Variants in FOXJ2 observed in about 807,000 individuals in gnomAD.
The protein encoded by FOXJ2 is forkhead box protein J2.
In FOXJ2, 18 loss-of-function variants were observed where a neutral mutation model predicts 68.4. The ratio of observed to expected loss-of-function variants is 0.26; its 90% CI spans 0.18 to 0.39. FOXJ2 has a LOEUF of 0.39. FOXJ2 is among the 10% of genes least tolerant of loss of function. FOXJ2 has a pLI of 1.00. For missense variants in FOXJ2, 670 were observed against 726.5 expected, an observed-to-expected ratio of 0.92 and a Z score of 0.89; for synonymous variants, 274 against 263.2, an observed-to-expected ratio of 1.04 and a Z score of -0.40.
Position 8,032,865 on chromosome 12 carries a change from G to T in FOXJ2, c.-983G>T. Reference sequence around the variant, plus strand: ...CGAAGGGAGCGGACCCGACAGGACGGCCCTAGAGGAGGTGCTGCCGCCACA... The same window carrying T: ...CGAAGGGAGCGGACCCGACAGGACGTCCCTAGAGGAGGTGCTGCCGCCACA... On this transcript the variant is annotated 5_prime_UTR_variant, in exon 1 of 11. Transcript: ENST00000162391. The surrounding 1 kb of genome is among the most constrained non-coding windows in gnomAD (Gnocchi z 4.8). 2.5e-6 allele frequency: 1 copy of T among 398,450 alleles called. No homozygotes were observed. Among genetic ancestry groups the T allele is most frequent in the South Asian group, 1.3e-4 (1 of 7,862 alleles). 24.7% of individuals were successfully genotyped at this position (398,450 alleles called of 1,614,324 possible).
chr12:8,055,120 C>T lies in FOXJ2; in HGVS notation c.*2270C>T, dbSNP rs1252512958. 1 of 152,600 alleles carries T rather than the reference C, an allele frequency of 6.6e-6. No individual in the cohort carries two copies. The highest frequency in any genetic ancestry group is 1.5e-5 in the Non-Finnish European group (1 of 68,052). The allele number at this position is 152,600 out of a possible 1,614,324, so 9.5% of individuals were successfully genotyped here. A position where few individuals can be genotyped will look rare whatever the true frequency, so the allele number is the denominator to read the frequency against. ...TACGTGGCACAGGGCAAACCTGACTCCCTTTGGGCCTCAGTTTCCCCTCCC... is the reference window on the plus strand; with the variant it reads ...TACGTGGCACAGGGCAAACCTGACTTCCTTTGGGCCTCAGTTTCCCCTCCC... On this transcript the variant is annotated 3_prime_UTR_variant, in exon 11 of 11. Coordinates refer to ENST00000162391, the MANE Select transcript of FOXJ2 (RefSeq NM_018416.3).
At chr12:8,042,941 C>T (rs777671875) in intron 3 of FOXJ2, among the ~76,000 whole-genome samples, 8 of 152,218 alleles carry the variant, frequency 5.3e-5, no homozygotes, top group South Asian at 4.1e-4. Flanking sequence ...TGAGGCCAGG[C>T]GTGGTGGCTT....
At position 8,044,879 on chromosome 12, in the gene FOXJ2, C is replaced by T. The variant is rs144251860; in HGVS notation, c.738C>T (p.Ile246=). The change falls in exon 6 of 11, where the codon ATC becomes ATT. Residue 246 remains isoleucine (I), a synonymous_variant. Coordinates refer to ENST00000162391, the MANE Select transcript of FOXJ2 (RefSeq NM_018416.3). ...NHDFKFSYSE[I]NFQDLSWSFR... ...ACTTTAAATTCTCCTACTCAGAGAT[C>T]AACTTTCAGGATCTAAGCTGGTCCT... The T allele has an allele frequency of 6.3e-5, 102 of 1,614,148 alleles. No homozygotes were observed. The African/African-American group carries it at 1.1e-3, about 17-fold the overall frequency.
chr12:8,050,569 TCA>T lies in FOXJ2; in HGVS notation c.1587_1588del (p.Pro530AsnfsTer32). 6.2e-7 allele frequency: 1 copy of T among 1,612,234 alleles called. No individual in the cohort carries two copies. The highest frequency in any genetic ancestry group is 8.5e-7 in the Non-Finnish European group (1 of 1,178,944). On this transcript the variant is annotated frameshift_variant, in exon 10 of 11. Transcript: ENST00000162391. LOFTEE classifies it high-confidence loss of function. ...AGCTCCCCACCTCTACCCTGGCCCA[TCA>T]CCAATGTACCCAATCCCCACCCAGG... The part of the protein sequence containing the change: ...PQAPHLYPGP[S>X]PMYPIPTQDS...
intron 9 of FOXJ2, 157 bp downstream of exon 9, chr12:8,049,728 C>T: frequency 1.6e-6 from 1 of 626,234 alleles, no homozygotes; most frequent in East Asian, 2.9e-5. Flanking sequence ...TCTGTTGAAT[C>T]AGTGAAGTCC....
Position 8,044,885 on chromosome 12 carries a change from T to A in FOXJ2, c.744T>A (p.Phe248Leu). The A allele has an allele frequency of 1.9e-6, 3 of 1,614,140 alleles. No homozygotes were observed. Among genetic ancestry groups the A allele is most frequent in the Non-Finnish European group, 2.5e-6 (3 of 1,180,002 alleles). The change falls in exon 6 of 11, where the codon TTT (phenylalanine) becomes TTA (leucine). Residue 248 changes from phenylalanine to leucine, a missense_variant. Around this residue, in one of 2 missense-constraint regions of FOXJ2, gnomAD observed 555 missense variants for 562.2 expected, o/e 0.99. Coordinates refer to ENST00000162391, the MANE Select transcript of FOXJ2 (RefSeq NM_018416.3). The stretch of plus-strand genomic sequence containing the variant: ...AATTCTCCTACTCAGAGATCAACTT[T>A]CAGGATCTAAGCTGGTCCTTCCGCA... ...DFKFSYSEIN[F>L]QDLSWSFRNL...
intron 10 of FOXJ2, among the ~76,000 whole-genome samples, chr12:8,051,047 C>CCA: frequency 7.6e-6 from 1 of 131,720 alleles, no homozygotes; most frequent in African/African-American, 2.9e-5. Flanking sequence ...TCCCCTTCCC[C>CCA]TTCCCTTGCC....
chr12:8,045,445 A>T (rs1759176559), intron 6 of FOXJ2, among the ~76,000 whole-genome samples: 1 of 151,772 alleles, frequency 6.6e-6, no homozygotes, highest in East Asian at 1.9e-4. Context: ...CGAACTCCTG[A>T]CCTCAGGTGA....
In FOXJ2 at chr12:8,033,018, G is replaced by C. The variant is rs996957761; in HGVS notation, c.-830G>C. 1 of 396,666 alleles carries C rather than the reference G, an allele frequency of 2.5e-6. No individual in the cohort carries two copies. The highest frequency in any genetic ancestry group is 4.4e-6 in the Non-Finnish European group (1 of 225,322). The allele number at this position is 396,666 out of a possible 1,614,324, so 24.6% of individuals were successfully genotyped here. A position where few individuals can be genotyped will look rare whatever the true frequency, so the allele number is the denominator to read the frequency against. ...CGGGAGCGGAGGCGGGAGCGGGGAC[G>C]CGAGCAACCTCTCCCCCTGTTGGAG... On this transcript the variant is annotated 5_prime_UTR_variant, in exon 1 of 11. Coordinates refer to ENST00000162391, the MANE Select transcript of FOXJ2 (RefSeq NM_018416.3).
chr12:8,052,988 G>A lies in FOXJ2; in HGVS notation c.*138G>A. The A allele has an allele frequency of 2.0e-6, 1 of 489,582 alleles. No individual in the cohort carries two copies. 30.3% of individuals were successfully genotyped at this position (489,582 alleles called of 1,614,324 possible). ...TTTTTGTTCTTTCTCTGTCAGAGAA[G>A]CCACTGCAAGATGCTGCCGAAGATA... On this transcript the variant is annotated 3_prime_UTR_variant, in exon 11 of 11. Transcript: ENST00000162391.
rs746538797 is a variant in FOXJ2, at chr12:8,054,237, A to C, written c.*1387A>C. 3 of 152,180 alleles carry C rather than the reference A, an allele frequency of 2.0e-5. No homozygotes were observed. Among genetic ancestry groups the C allele is most frequent in the Non-Finnish European group, 4.4e-5 (3 of 68,042 alleles). The allele number at this position is 152,180 out of a possible 1,614,324, so 9.4% of individuals were successfully genotyped here. On this transcript the variant is annotated 3_prime_UTR_variant, in exon 11 of 11. Transcript: ENST00000162391. The stretch of plus-strand genomic sequence containing the variant: ...ACCCCCAGAAAAAGGTATGGAGCTA[A>C]CTCATCTCTTTTACAAGGGGTGGCC...
In FOXJ2 at chr12:8,040,142, A is replaced by G; in HGVS notation, c.310A>G (p.Lys104Glu). 1 of 1,614,070 alleles carries G rather than the reference A, an allele frequency of 6.2e-7. No individual in the cohort carries two copies. Among genetic ancestry groups the G allele is most frequent in the Non-Finnish European group, 8.5e-7 (1 of 1,179,940 alleles). Residue 104 changes from lysine to glutamate, a missense_variant, in exon 2 of 11, where the codon AAG becomes GAG. Lys to Glu is a moderately conservative substitution (Grantham distance 56, BLOSUM62 1). Around this residue, in one of 2 missense-constraint regions of FOXJ2, gnomAD observed 115 missense variants for 164.3 expected, o/e 0.70. Transcript: ENST00000162391. This position sits in a 1 kb window ranked among gnomAD's most constrained non-coding sequence, Gnocchi z 4.0. ...RWICDNFPYY[K>E]NAGIGWKNSI... ...GATCTGTGATAACTTCCCCTATTAC[A>G]AGAATGCTGGCATTGGTTGGAAGGT...
In FOXJ2 at chr12:8,054,850, C is replaced by T. The variant is rs1203795580; in HGVS notation, c.*2000C>T. Reference sequence around the variant, plus strand: ...TACAAAACTTCCCATCAGTTCTCCTCAATATTCCCCATTTGTAAATGATCA... The same window carrying T: ...TACAAAACTTCCCATCAGTTCTCCTTAATATTCCCCATTTGTAAATGATCA... On this transcript the variant is annotated 3_prime_UTR_variant, in exon 11 of 11. Transcript: ENST00000162391. The T allele has an allele frequency of 2.0e-5, 3 of 152,294 alleles. No homozygotes were observed. Among genetic ancestry groups the T allele is most frequent in the Non-Finnish European group, 2.9e-5 (2 of 68,064 alleles). The allele number at this position is 152,294 out of a possible 1,614,324, so 9.4% of individuals were successfully genotyped here. A position where few individuals can be genotyped will look rare whatever the true frequency, so the allele number is the denominator to read the frequency against.
At chr12:8,034,430 G>A (rs1228706476) in intron 1 of FOXJ2, among the ~76,000 whole-genome samples, 5 of 152,198 alleles carry the variant, frequency 3.3e-5, no homozygotes, top group Non-Finnish European at 7.3e-5. Context: ...CTAGCTGGAT[G>A]TATGCCTCTG....
intron 1 of FOXJ2, among the ~76,000 whole-genome samples, chr12:8,034,073 T>C (rs1309298238): frequency 6.6e-6 from 1 of 152,154 alleles, no homozygotes; most frequent in African/African-American, 2.4e-5. Flanking sequence ...TTAGGTCCCT[T>C]AGGGAAGTGG....
At chr12:8,034,991 G>A (rs926589825) in intron 1 of FOXJ2, among the ~76,000 whole-genome samples, 15 of 152,232 alleles carry the variant, frequency 9.9e-5, no homozygotes, top group African/African-American at 3.1e-4. Context: ...GACAAGTTGT[G>A]AAGGAGGCTT....
In FOXJ2 at chr12:8,047,961, ACAGCAGCAG is replaced by A. The variant is rs372118289; in HGVS notation, c.911_919del (p.Gln304_Gln306del). On this transcript the variant is annotated inframe_deletion, in exon 7 of 11. Transcript: ENST00000162391. ...AGCAGCAGCAGCCACCGCCACCTCA[ACAGCAGCAG>A]CAGCAGCAGCAGCCGCCACAGCCAC... The A allele has an allele frequency of 1.7e-5, 27 of 1,609,782 alleles. No homozygotes were observed. In the African/African-American group the frequency reaches 2.7e-4, roughly 16 times the overall value.
rs1946920036 is a variant in FOXJ2, at chr12:8,038,098, CCT to C, written c.-14-1720_-14-1719del. Among the ~76,000 whole-genome samples, 1 of 152,174 alleles carries C rather than the reference CCT, an allele frequency of 6.6e-6. No homozygotes were observed. Among genetic ancestry groups the C allele is most frequent in the African/African-American group, 2.4e-5 (1 of 41,426 alleles). On this transcript the variant is annotated intron_variant, in intron 1 of 10. Transcript: ENST00000162391. This position sits in a 1 kb window ranked among gnomAD's most constrained non-coding sequence, Gnocchi z 5.3. ...AGTTGCGTCTCTTGCTGCCCCCGCC[CCT>C]GAGGCACTAAGGTGTTTCCTTCAGC...
chr12:8,040,952 C>T lies in FOXJ2; in HGVS notation c.333+787C>T, dbSNP rs1266844225. Among the ~76,000 whole-genome samples, 1 of 152,138 alleles carries T rather than the reference C, an allele frequency of 6.6e-6. No homozygotes were observed. The highest frequency in any genetic ancestry group is 1.5e-5 in the Non-Finnish European group (1 of 68,034). On this transcript the variant is annotated intron_variant, in intron 2 of 10. Coordinates refer to ENST00000162391, the MANE Select transcript of FOXJ2 (RefSeq NM_018416.3). This position sits in a 1 kb window ranked among gnomAD's most constrained non-coding sequence, Gnocchi z 4.0. ...ATAATATAATTAGGTTCTTTACAAA[C>T]AGCTGGCTACCAAGCAAGTAATGAG... is the stretch of plus-strand genomic sequence containing the variant.
Sources: gnomAD v4.1 joint callset for allele counts (sites outside exome capture counted in the v4.1 genomes callset) on GRCh38, gnomAD v4.1.1 for gene constraint, gnomAD v4.1.1 regional missense constraint, Gnocchi (gnomAD v3.1) non-coding constraint, MANE v1.5 for transcripts, NCBI Gene and HGNC (gene_info 2026-07-23, HGNC 2026-07-21) for gene names.